Variants in SPATA12 observed in about 807,000 individuals in gnomAD.
The protein encoded by SPATA12 is spermatogenesis-associated protein 12.
For missense variants in SPATA12, 219 were observed against 226.4 expected (o/e 0.97, Z 0.21); for synonymous variants, 85 against 89.2 (o/e 0.95, Z 0.26).
intron 1 of SPATA12, among the ~76,000 whole-genome samples, chr3:57,068,913 G>A (rs939926581): frequency 6.7e-6 from 1 of 149,542 alleles, no homozygotes; most frequent in Non-Finnish European, 1.5e-5. Context: ...TAAGGCAAAA[G>A]ATCTGATTTT....
intron 1 of SPATA12, among the ~76,000 whole-genome samples, chr3:57,068,031 G>A (rs1051382409): frequency 3.3e-5 from 5 of 151,976 alleles, no homozygotes; most frequent in South Asian, 2.1e-4. Context: ...AAAATTAGCC[G>A]GTGTGGTGGC....
Position 57,073,711 on chromosome 3 carries a change from T to C in SPATA12, c.17T>C (p.Leu6Pro). 6.2e-7 allele frequency: 1 copy of C among 1,613,954 alleles called. No individual in the cohort carries two copies. The highest frequency in any genetic ancestry group is 8.5e-7 in the Non-Finnish European group (1 of 1,179,916). The part of the protein sequence containing the change: MSSSA[L>P]TCGSTLEKSG... ...TTGGGCCCCATGTCCAGTTCTGCTC[T>C]GACTTGTGGGTCCACCTTAGAAAAG... The change falls in exon 2 of 2, where the codon CTG (leucine) becomes CCG (proline). Residue 6 changes from leucine to proline, a missense_variant. Transcript: ENST00000334325.
rs748833311 is a variant in SPATA12, at chr3:57,074,285, A to C, written c.*18A>C. The C allele has an allele frequency of 1.4e-5, 23 of 1,594,282 alleles. No individual in the cohort carries two copies. The African/African-American group carries it at 2.8e-4, about 19-fold the overall frequency. ...ATCTGTAATCAATAATAATCCTGCA[A>C]CATCTGAGAGTCTGGCAGCTGTTTG... On this transcript the variant is annotated 3_prime_UTR_variant, in exon 2 of 2. Transcript: ENST00000334325.
At chr3:57,065,430 C>T (rs948888500) in intron 1 of SPATA12, among the ~76,000 whole-genome samples, 4 of 151,714 alleles carry the variant, frequency 2.6e-5, no homozygotes, top group African/African-American at 9.7e-5. Flanking sequence ...CACTGCACTC[C>T]AGCCTGGGCA....
chr3:57,074,310 G>T lies in SPATA12; in HGVS notation c.*43G>T, dbSNP rs1333105357. The stretch of plus-strand genomic sequence containing the variant: ...ACATCTGAGAGTCTGGCAGCTGTTT[G>T]TCTGGGCCTTTGCACATGCTATGCC... On this transcript the variant is annotated 3_prime_UTR_variant, in exon 2 of 2. Coordinates refer to ENST00000334325, the MANE Select transcript of SPATA12 (RefSeq NM_181727.2). The T allele has an allele frequency of 1.3e-6, 2 of 1,559,954 alleles. No individual in the cohort carries two copies. Among genetic ancestry groups the T allele is most frequent in the Admixed American group, 1.7e-5 (1 of 58,544 alleles).
chr3:57,074,271 A>G lies in SPATA12; in HGVS notation c.*4A>G, dbSNP rs766185774. ...ACACATACACACACATCTGTAATCAATAATAATCCTGCAACATCTGAGAGT... is the reference window on the plus strand; with the variant it reads ...ACACATACACACACATCTGTAATCAGTAATAATCCTGCAACATCTGAGAGT... On this transcript the variant is annotated 3_prime_UTR_variant, in exon 2 of 2. Transcript: ENST00000334325. 1.2e-4 allele frequency: 195 copies of G among 1,603,236 alleles called. 2 individuals are homozygous for G. In the South Asian group the frequency reaches 2.0e-3, roughly 16 times the overall value.
chr3:57,069,833 T>C (rs1245345171), intron 1 of SPATA12, among the ~76,000 whole-genome samples: 2 of 152,130 alleles, frequency 1.3e-5, no homozygotes. Flanking sequence ...TTTATAGAAA[T>C]AGAGTCTCGC....
chr3:57,073,071 A>T (rs1167743675), intron 1 of SPATA12, among the ~76,000 whole-genome samples: 3 of 152,068 alleles, frequency 2.0e-5, no homozygotes, highest in Non-Finnish European at 4.4e-5. Flanking sequence ...AAGAAAAAAC[A>T]TTAGTTGGTA....
intron 1 of SPATA12, among the ~76,000 whole-genome samples, chr3:57,061,832 C>T (rs1430198692): frequency 1.3e-5 from 2 of 152,064 alleles, no homozygotes; most frequent in African/African-American, 4.8e-5. Flanking sequence ...TATTTTCATC[C>T]CCATTTTACA....
chr3:57,067,618 T>C (rs954044118), intron 1 of SPATA12, among the ~76,000 whole-genome samples: 1 of 150,914 alleles, frequency 6.6e-6, no homozygotes, highest in Admixed American at 6.6e-5. Flanking sequence ...GAAAATCACA[T>C]GAGGCCAGGA....
At chr3:57,069,689 A>G (rs993137328) in intron 1 of SPATA12, among the ~76,000 whole-genome samples, 3 of 152,148 alleles carry the variant, frequency 2.0e-5, no homozygotes, top group Non-Finnish European at 4.4e-5. Context: ...TCTGTCGCCA[A>G]GCTGGAGTGC....
intron 1 of SPATA12, among the ~76,000 whole-genome samples, chr3:57,069,780 G>A (rs368826680): frequency 1.4e-4 from 22 of 152,224 alleles, no homozygotes; most frequent in African/African-American, 5.1e-4. Context: ...AAGTATGTGG[G>A]ACTACAGACA....
intron 1 of SPATA12, among the ~76,000 whole-genome samples, chr3:57,062,372 G>C (rs1705269437): frequency 6.6e-6 from 1 of 152,190 alleles, no homozygotes; most frequent in Non-Finnish European, 1.5e-5. Context: ...GGCTACCACA[G>C]CCGAGGGGAG....
intron 1 of SPATA12, among the ~76,000 whole-genome samples, chr3:57,061,592 G>T (rs1329602463): frequency 6.6e-6 from 1 of 152,136 alleles, no homozygotes. Context: ...TAACGCTGCT[G>T]GGAACATGGG....
Position 57,073,715 on chromosome 3 carries a change from T to C in SPATA12, c.21T>C (p.Thr7=), listed in dbSNP as rs1180129451. MSSSAL[T]CGSTLEKSGD... is the part of the protein sequence containing the mutation. Reference sequence around the variant, plus strand: ...GCCCCATGTCCAGTTCTGCTCTGACTTGTGGGTCCACCTTAGAAAAGTCAG... The same window carrying C: ...GCCCCATGTCCAGTTCTGCTCTGACCTGTGGGTCCACCTTAGAAAAGTCAG... Residue 7 remains threonine (T), a synonymous_variant, in exon 2 of 2, where the codon ACT becomes ACC. Transcript: ENST00000334325. 3.1e-6 allele frequency: 5 copies of C among 1,614,068 alleles called. 1 individual carries two copies. The Middle Eastern group carries it at 5.0e-4, about 160-fold the overall frequency.
chr3:57,074,450 A>G lies in SPATA12; in HGVS notation c.*183A>G, dbSNP rs780780562. 1.6e-6 allele frequency: 1 copy of G among 612,284 alleles called. No individual in the cohort carries two copies. The highest frequency in any genetic ancestry group is 2.9e-6 in the Non-Finnish European group (1 of 339,050). The allele number at this position is 612,284 out of a possible 1,614,324, so 37.9% of individuals were successfully genotyped here. A position where few individuals can be genotyped will look rare whatever the true frequency, so the allele number is the denominator to read the frequency against. ...CTGTCACACTTCCCCAATATCACAG[A>G]TGAAGAAATCAAGATTCAGAAAGGT... On this transcript the variant is annotated 3_prime_UTR_variant, in exon 2 of 2. Coordinates refer to ENST00000334325, the MANE Select transcript of SPATA12 (RefSeq NM_181727.2).
At chr3:57,067,190 G>A (rs1705587013) in intron 1 of SPATA12, among the ~76,000 whole-genome samples, 1 of 151,982 alleles carries the variant, frequency 6.6e-6, no homozygotes, top group Non-Finnish European at 1.5e-5. Context: ...GGTGGCTCAC[G>A]CCTGTAATCC....
At position 57,074,242 on chromosome 3, in the gene SPATA12, A is replaced by C. The variant is rs778804585; in HGVS notation, c.548A>C (p.Asn183Thr). 1 of 1,612,268 alleles carries C rather than the reference A, an allele frequency of 6.2e-7. No homozygotes were observed. The highest frequency in any genetic ancestry group is 1.1e-5 in the South Asian group (1 of 90,972). Residue 183 changes from asparagine to threonine, a missense_variant, in exon 2 of 2, where the codon AAC becomes ACC. Physicochemically the swap from Asn to Thr is moderately conservative, Grantham distance 65. Transcript: ENST00000334325. ...FVRSLSTVYS[N>T]THIHTHL ...AGGTCCCTCTCTACAGTATACTCCAACACACACATACACACACATCTGTAA... is the reference window on the plus strand; with the variant it reads ...AGGTCCCTCTCTACAGTATACTCCACCACACACATACACACACATCTGTAA...
intron 1 of SPATA12, among the ~76,000 whole-genome samples, chr3:57,070,831 G>T (rs1215532630): frequency 6.6e-6 from 1 of 151,898 alleles, no homozygotes; most frequent in Non-Finnish European, 1.5e-5. Context: ...AATTAGCTGG[G>T]TATGGTTGCA....
Sources: allele counts gnomAD v4.1 joint callset (sites outside exome capture counted in the v4.1 genomes callset), GRCh38; gene constraint gnomAD v4.1.1; transcripts MANE v1.5; gene names NCBI Gene and HGNC (gene_info 2026-07-23, HGNC 2026-07-21).